Variants in HS3ST5 observed in about 807,000 individuals in gnomAD.
The protein encoded by HS3ST5 is heparan sulfate glucosamine 3-O-sulfotransferase 5.
HS3ST5 carries 10 observed loss-of-function variants against 25.4 expected under a neutral mutation model. The observed-to-expected ratio is 0.39, with a 90% CI of 0.24 to 0.67. The LOEUF (loss-of-function observed/expected upper bound fraction) is 0.67. Ranked by LOEUF, HS3ST5 falls within the 30% of genes least tolerant of loss-of-function variation. HS3ST5 has a pLI of 0.44. For missense variants in HS3ST5, 324 were observed against 420.7 expected (o/e 0.77, Z 2.01); for synonymous variants, 170 against 162.4 (o/e 1.05, Z -0.36).
chr6:114,317,657 T>G (rs813063), intron 1 of HS3ST5, among the ~76,000 whole-genome samples: 97,565 of 151,782 alleles, frequency 0.64, 31,682 homozygotes, highest in African/African-American at 0.68. Flanking sequence ...TACCTAGCTG[T>G]GAACAAAAGT....
chr6:114,200,849 A>G (rs1404833140), intron 2 of HS3ST5, among the ~76,000 whole-genome samples: 1 of 152,216 alleles, frequency 6.6e-6, no homozygotes, highest in Non-Finnish European at 1.5e-5. Flanking sequence ...GCACTTCCTC[A>G]TCAGCACCTC....
intron 2 of HS3ST5, among the ~76,000 whole-genome samples, chr6:114,214,370 T>G (rs1305162233): frequency 6.6e-6 from 1 of 152,220 alleles, no homozygotes; most frequent in African/African-American, 2.4e-5. Context: ...CACATTGCAT[T>G]TAATTGTCAC....
chr6:114,178,071 C>G (rs957861030), intron 2 of HS3ST5, among the ~76,000 whole-genome samples: 1 of 152,114 alleles, frequency 6.6e-6, no homozygotes, highest in Non-Finnish European at 1.5e-5. Flanking sequence ...TTGCTCTTAA[C>G]AGTTTTTGGC....
intron 3 of HS3ST5, among the ~76,000 whole-genome samples, chr6:114,150,162 TTTTAA>T (rs1407366406): frequency 1.3e-5 from 2 of 152,240 alleles, no homozygotes; most frequent in African/African-American, 4.8e-5. Context: ...ACATAAATGG[TTTTAA>T]TTTAAGAATA....
intron 3 of HS3ST5, among the ~76,000 whole-genome samples, chr6:114,157,248 GTA>G (rs1437994290): frequency 6.6e-6 from 1 of 152,110 alleles, no homozygotes; most frequent in Admixed American, 6.5e-5. Flanking sequence ...TCAGACCAGT[GTA>G]ACCTTCTACT....
intron 1 of HS3ST5, among the ~76,000 whole-genome samples, chr6:114,249,517 C>T (rs991265816): frequency 1.3e-5 from 2 of 152,218 alleles, no homozygotes; most frequent in Admixed American, 1.3e-4. Context: ...TGCCCCTCCT[C>T]TTTAGAACTG....
chr6:114,168,067 A>C (rs1458919163), intron 3 of HS3ST5, among the ~76,000 whole-genome samples: 1 of 152,158 alleles, frequency 6.6e-6, no homozygotes, highest in Non-Finnish European at 1.5e-5. Flanking sequence ...CAAACAAAAA[A>C]CAACACACGC....
chr6:114,078,568 T>C (rs953721188), intron 3 of HS3ST5, among the ~76,000 whole-genome samples: 2 of 152,182 alleles, frequency 1.3e-5, no homozygotes, highest in Admixed American at 6.5e-5. Context: ...GTTTAAACAT[T>C]TTATTGGACT....
At chr6:114,130,560 C>T (rs1281642194) in intron 3 of HS3ST5, among the ~76,000 whole-genome samples, 1 of 151,962 alleles carries the variant, frequency 6.6e-6, no homozygotes, top group Admixed American at 6.6e-5. Context: ...AAATACAGAC[C>T]CTGTTGTTAC....
chr6:114,338,935 C>T (rs1429295410), intron 1 of HS3ST5, among the ~76,000 whole-genome samples: 1 of 151,850 alleles, frequency 6.6e-6, no homozygotes, highest in African/African-American at 2.4e-5. Context: ...TTTGAGCTCC[C>T]CTCACCAAAA....
intron 3 of HS3ST5, among the ~76,000 whole-genome samples, chr6:114,148,683 G>C (rs1778292750): frequency 6.6e-6 from 1 of 152,052 alleles, no homozygotes; most frequent in South Asian, 2.1e-4. Flanking sequence ...ACATAGGGAT[G>C]CCGACTTCAT....
chr6:114,105,303 G>A (rs1448144164), intron 3 of HS3ST5, among the ~76,000 whole-genome samples: 1 of 152,138 alleles, frequency 6.6e-6, no homozygotes, highest in Non-Finnish European at 1.5e-5. Context: ...GTTTCAGCTA[G>A]TATGCTACTT....
chr6:114,309,047 G>A (rs1446048659), intron 1 of HS3ST5, among the ~76,000 whole-genome samples: 1 of 152,120 alleles, frequency 6.6e-6, no homozygotes, highest in African/African-American at 2.4e-5. Flanking sequence ...TACTCATCTG[G>A]GACGTCAATA....
In HS3ST5 at chr6:114,204,961, G is replaced by A. The variant is rs6918335; in HGVS notation, c.-145+23624C>T. ...AAACATGAATACATGGTAATCAAAA[G>A]GGTATCATACTGGCCATGCACACTC... On this transcript the variant is annotated intron_variant, in intron 2 of 4. Coordinates refer to ENST00000312719, the MANE Select transcript of HS3ST5 (RefSeq NM_153612.4). Among the ~76,000 whole-genome samples the A allele has an allele frequency of 3.0e-3, 464 of 152,242 alleles. 2 individuals are homozygous for A. The highest frequency in any genetic ancestry group is 0.011 in the African/African-American group (445 of 41,534).
intron 1 of HS3ST5, among the ~76,000 whole-genome samples, chr6:114,336,262 A>G (rs1414214101): frequency 6.6e-6 from 1 of 152,240 alleles, no homozygotes; most frequent in Non-Finnish European, 1.5e-5. Context: ...TACATAGATT[A>G]TCATATGGAT....
chr6:114,296,233 T>C (rs1172258701), intron 1 of HS3ST5, among the ~76,000 whole-genome samples: 2 of 152,198 alleles, frequency 1.3e-5, no homozygotes, highest in Non-Finnish European at 2.9e-5. Context: ...TCAACTATAC[T>C]TCAATCTAAT....
At chr6:114,263,829 T>C (rs761258266) in intron 1 of HS3ST5, among the ~76,000 whole-genome samples, 5 of 152,116 alleles carry the variant, frequency 3.3e-5, no homozygotes, top group Non-Finnish European at 7.4e-5. Context: ...TTGTCAAATG[T>C]CAATCATAGT....
chr6:114,125,390 G>A (rs1202043526), intron 3 of HS3ST5, among the ~76,000 whole-genome samples: 1 of 152,212 alleles, frequency 6.6e-6, no homozygotes, highest in East Asian at 1.9e-4. Flanking sequence ...AAAATGTAGG[G>A]CAATATATCA....
chr6:114,064,455 G>C (rs1348003563), intron 3 of HS3ST5, among the ~76,000 whole-genome samples: 1 of 152,168 alleles, frequency 6.6e-6, no homozygotes, highest in African/African-American at 2.4e-5. Flanking sequence ...TTAAGGAAAA[G>C]GTCAGAGAAT....
Sources: allele counts gnomAD v4.1 joint callset (sites outside exome capture counted in the v4.1 genomes callset), GRCh38; gene constraint gnomAD v4.1.1; transcripts MANE v1.5; gene names NCBI Gene and HGNC (gene_info 2026-07-23, HGNC 2026-07-21).